The following RANBP2 variants were observed in gnomAD, a reference collection of about 807,000 sequenced individuals.
RANBP2 encodes RAN binding protein 2.
Under a neutral mutation model 303.6 loss-of-function variants are expected in RANBP2, and 57 were observed. That is an observed-to-expected ratio of 0.19 (90% CI 0.15 to 0.23). The LOEUF (loss-of-function observed/expected upper bound fraction) is 0.23, where lower values mean the gene tolerates loss of function less well. Ranked by LOEUF, RANBP2 falls within the 10% of genes least tolerant of loss-of-function variation. RANBP2 has a pLI of 1.00. For synonymous variants in RANBP2, 1,167 were observed against 1,301.5 expected, an observed-to-expected ratio of 0.90 and a Z score of 2.23; for missense variants, 3,138 against 3,780.8, an observed-to-expected ratio of 0.83 and a Z score of 4.46.
chr2:109,078,268 GTATATATATATATA>G, the RANBP2 span, among the ~76,000 whole-genome samples: 9 of 46,268 alleles, frequency 1.9e-4, 1 homozygote, highest in South Asian at 5.9e-4. Flanking sequence ...TATATAGCGC[GTATATATATATATA>G]TATATATATA....
At chr2:109,242,107 G>T in the RANBP2 span, among the ~76,000 whole-genome samples, 2 of 150,202 alleles carry the variant, frequency 1.3e-5, no homozygotes, top group African/African-American at 4.9e-5. Flanking sequence ...TGGCTCCTCT[G>T]TTCGCCTCCT....
chr2:109,732,731 G>T, the RANBP2 span: 2 of 668,064 alleles, frequency 3.0e-6, no homozygotes, highest in African/African-American at 1.8e-5. Flanking sequence ...GTTTATGTAG[G>T]TTTATGCAGG....
the RANBP2 span, among the ~76,000 whole-genome samples, chr2:109,185,768 T>A: frequency 6.6e-6 from 1 of 152,238 alleles, no homozygotes; most frequent in African/African-American, 2.4e-5. Context: ...TATTGTGATT[T>A]CAAATTAACT....
chr2:109,231,692 T>G, the RANBP2 span, among the ~76,000 whole-genome samples: 1 of 152,216 alleles, frequency 6.6e-6, no homozygotes, highest in Non-Finnish European at 1.5e-5. Context: ...AATTAGTATT[T>G]TTAGTCTGCT....
the RANBP2 span, among the ~76,000 whole-genome samples, chr2:109,740,266 C>T: frequency 1.3e-5 from 2 of 151,864 alleles, no homozygotes; most frequent in Admixed American, 6.6e-5. Context: ...TGATTACAGG[C>T]GTGAGCCACT....
At chr2:108,929,287 A>T in the RANBP2 span, 1 of 1,614,166 alleles carries the variant, frequency 6.2e-7, no homozygotes, top group Non-Finnish European at 8.5e-7. Flanking sequence ...AGTCTTTGTG[A>T]CGCCTGCATA....
At chr2:109,380,936 G>C in the RANBP2 span, among the ~76,000 whole-genome samples, 1 of 152,260 alleles carries the variant, frequency 6.6e-6, no homozygotes, top group African/African-American at 2.4e-5. Context: ...TTGCCAGAAA[G>C]AAGCTGCATG....
the RANBP2 span, among the ~76,000 whole-genome samples, chr2:109,735,636 AT>A: frequency 4.0e-5 from 6 of 151,752 alleles, no homozygotes; most frequent in African/African-American, 1.2e-4. Flanking sequence ...GTTAAAAAAA[AT>A]TTTTTTTTAA....
chr2:108,783,121 T>C (rs1373046894), intron 28 of RANBP2, among the ~76,000 whole-genome samples: 3 of 151,812 alleles, frequency 2.0e-5, no homozygotes, highest in African/African-American at 7.3e-5. Flanking sequence ...GGCAGATTGC[T>C]TGAGCCCCGG....
At chr2:109,432,404 T>A in the RANBP2 span, 1 of 1,488,516 alleles carries the variant, frequency 6.7e-7, no homozygotes, top group Non-Finnish European at 9.1e-7. Context: ...CTTTTTAGGT[T>A]GGGTTCCTCC....
At chr2:109,223,682 C>G in the RANBP2 span, among the ~76,000 whole-genome samples, 3 of 152,294 alleles carry the variant, frequency 2.0e-5, no homozygotes, top group East Asian at 5.8e-4. Context: ...AATTCTGCCC[C>G]CCACGTGATG....
chr2:109,059,195 G>A, the RANBP2 span, among the ~76,000 whole-genome samples: 1 of 152,140 alleles, frequency 6.6e-6, no homozygotes, highest in Admixed American at 6.5e-5. Flanking sequence ...CCCCTCTACT[G>A]TGCCAGGGAA....
the RANBP2 span, among the ~76,000 whole-genome samples, chr2:109,082,871 G>A: frequency 6.9e-6 from 1 of 144,318 alleles, no homozygotes; most frequent in African/African-American, 2.5e-5. Flanking sequence ...TGTCTCCCAG[G>A]CTGGAGTGCA....
At chr2:109,616,254 C>G in the RANBP2 span, 3 of 916,018 alleles carry the variant, frequency 3.3e-6, no homozygotes, top group Non-Finnish European at 4.5e-6. Context: ...TTCAGAGATT[C>G]ATCATACCTT....
chr2:109,607,599 G>A, the RANBP2 span, among the ~76,000 whole-genome samples: 1 of 151,908 alleles, frequency 6.6e-6, no homozygotes, highest in African/African-American at 2.4e-5. Context: ...AATTACCTGG[G>A]CTAATTTAAT....
chr2:108,929,398 CA>C, the RANBP2 span: 2 of 1,613,406 alleles, frequency 1.2e-6, no homozygotes, highest in East Asian at 2.2e-5. Flanking sequence ...GGAAAGAGGA[CA>C]GGGGACACAG....
the RANBP2 span, among the ~76,000 whole-genome samples, chr2:109,343,881 C>T: frequency 1.3e-5 from 2 of 152,022 alleles, no homozygotes; most frequent in African/African-American, 4.8e-5. Flanking sequence ...ATAGCTGAGA[C>T]TACAGGTACT....
the RANBP2 span, among the ~76,000 whole-genome samples, chr2:109,245,905 A>G: frequency 6.6e-6 from 1 of 152,178 alleles, no homozygotes; most frequent in Non-Finnish European, 1.5e-5. Context: ...CCCGGGCATC[A>G]TTTACTGGTC....
At chr2:108,884,885 C>T in the RANBP2 span, 1 of 151,274 alleles carries the variant, frequency 6.6e-6, no homozygotes, top group Non-Finnish European at 1.5e-5. Context: ...GTTGAAACAC[C>T]TCTGCTCTGT....
Sources: gnomAD v4.1 joint callset for allele counts (sites outside exome capture counted in the v4.1 genomes callset) on GRCh38, gnomAD v4.1.1 for gene constraint, MANE v1.5 for transcripts, NCBI Gene and HGNC (gene_info 2026-07-23, HGNC 2026-07-21) for gene names.